LIPA: variants seen among roughly 807,000 people sequenced by gnomAD.
The protein encoded by LIPA is lipase A, lysosomal acid type.
Under a neutral mutation model 40.6 loss-of-function variants are expected in LIPA, and 26 were observed. That is an observed-to-expected ratio of 0.64 (90% CI 0.47 to 0.89). The LOEUF (loss-of-function observed/expected upper bound fraction) is 0.89. LIPA is among the 40% of genes least tolerant of loss of function. LIPA has a pLI of 0.00. For synonymous variants in LIPA, 188 were observed against 168.4 expected (o/e 1.12, Z -0.90); for missense variants, 455 against 479.6 (o/e 0.95, Z 0.48).
At chr10:89,328,188 A>G (rs958439965) in intron 1 of LIPA, 5 of 1,078,416 alleles carry the variant, frequency 4.6e-6, no homozygotes, top group Admixed American at 3.6e-5. Flanking sequence ...TATAGATTCA[A>G]TATGTCTTTA....
intron 8 of LIPA, among the ~76,000 whole-genome samples, chr10:89,221,689 A>G (rs913512831): frequency 3.3e-5 from 5 of 152,204 alleles, no homozygotes; most frequent in African/African-American, 1.2e-4. Context: ...GTCCTGAGGT[A>G]GAAAGAAGTC....
intron 1 of LIPA, among the ~76,000 whole-genome samples, chr10:89,317,463 A>G (rs1471600813): frequency 2.6e-5 from 4 of 152,238 alleles, no homozygotes; most frequent in Non-Finnish European, 5.9e-5. Context: ...AAGAAAGGGT[A>G]TTAGTGATTG....
chr10:89,362,655 T>C, intron 2 of LIPA: 4 of 536,650 alleles, frequency 7.5e-6, no homozygotes, highest in Non-Finnish European at 1.2e-5. Context: ...AGCCCAGACT[T>C]ACCTGGATAA....
At chr10:89,306,116 T>A (rs1451914323) in intron 1 of LIPA, 1 of 1,614,144 alleles carries the variant, frequency 6.2e-7, no homozygotes, top group Non-Finnish European at 8.5e-7. Flanking sequence ...AGCCACAATG[T>A]GCAACCTACT....
chr10:89,335,064 C>G (rs1185497946), intron 1 of LIPA, among the ~76,000 whole-genome samples: 5 of 152,142 alleles, frequency 3.3e-5, no homozygotes, highest in Admixed American at 1.3e-4. Flanking sequence ...CTCAGGCCTT[C>G]CAGTCCAATA....
At chr10:89,336,158 A>AAGGG (rs529603450) in intron 1 of LIPA, among the ~76,000 whole-genome samples, 5 of 136,074 alleles carry the variant, frequency 3.7e-5, no homozygotes, top group Admixed American at 1.5e-4. Flanking sequence ...GGGAGGGAGG[A>AAGGG]AGGGAGGGAG....
At chr10:89,414,530 T>G (rs1005557462) in exon 1 of LIPA, 2 of 435,872 alleles carry the variant, frequency 4.6e-6, no homozygotes, top group Non-Finnish European at 8.1e-6. Context: ...AAGTTTCGGT[T>G]TCTGAAGCTT....
chr10:89,254,591 G>A (rs529798938), upstream of LIPA, among the ~76,000 whole-genome samples: 1 of 152,318 alleles, frequency 6.6e-6, no homozygotes, highest in South Asian at 2.1e-4. Context: ...CCATTGTCTT[G>A]GTAATTAACA....
In LIPA at chr10:89,395,410, C is replaced by G. The variant is rs77419940; in HGVS notation, c.61+17381G>C. 9.4e-3 allele frequency among the ~76,000 whole-genome samples: 1,427 copies of G among 152,340 alleles called. 25 individuals carry two copies. Among genetic ancestry groups the G allele is most frequent in the African/African-American group, 0.033 (1,374 of 41,576 alleles). ...AATGGCTCCCCCTTTCCCATTGGCC[C>G]TGCAAGGCATATTACCCTCTTCTCT... is the stretch of plus-strand genomic sequence containing the variant. On this transcript the variant is annotated intron_variant, in intron 2 of 8. Coordinates refer to the LIPA transcript ENST00000371837.
intron 2 of LIPA, chr10:89,402,585 A>T (rs2133630405): frequency 1.2e-6 from 2 of 1,614,224 alleles, no homozygotes; most frequent in Middle Eastern, 3.3e-4. Context: ...CTTTGCCTGG[A>T]TGTATTACCA....
At chr10:89,218,992 A>G (rs1842662714) in intron 8 of LIPA, among the ~76,000 whole-genome samples, 1 of 152,212 alleles carries the variant, frequency 6.6e-6, no homozygotes, top group Admixed American at 6.5e-5. Context: ...AAACTGTAAG[A>G]TTATACCAAA....
At chr10:89,333,307 G>A (rs1378305776) in intron 1 of LIPA, among the ~76,000 whole-genome samples, 1 of 152,132 alleles carries the variant, frequency 6.6e-6, no homozygotes, top group East Asian at 1.9e-4. Context: ...TCTAGGTCCT[G>A]CATTCTGAAA....
At chr10:89,289,734 C>T (rs140686191) in intron 1 of LIPA, among the ~76,000 whole-genome samples, 9 of 152,226 alleles carry the variant, frequency 5.9e-5, no homozygotes, top group Non-Finnish European at 8.8e-5. Context: ...TCTGTTTGAA[C>T]GGATAGAAGA....
chr10:89,338,471 G>T (rs1843783833), intron 1 of LIPA, among the ~76,000 whole-genome samples: 1 of 152,172 alleles, frequency 6.6e-6, no homozygotes. Flanking sequence ...AGAGCAATCT[G>T]CTCTACTCAG....
At chr10:89,304,328 G>A (rs902777524) in intron 1 of LIPA, among the ~76,000 whole-genome samples, 7 of 152,066 alleles carry the variant, frequency 4.6e-5, no homozygotes, top group African/African-American at 7.2e-5. Context: ...ATGCATTCCC[G>A]TTGAAAAGCT....
chr10:89,379,845 T>C (rs1462088690), intron 2 of LIPA, among the ~76,000 whole-genome samples: 5 of 152,008 alleles, frequency 3.3e-5, no homozygotes, highest in Non-Finnish European at 7.4e-5. Context: ...CCATCCTGAC[T>C]AACAAGGTGA....
At chr10:89,384,511 A>G in intron 2 of LIPA, 1 of 1,613,900 alleles carries the variant, frequency 6.2e-7, no homozygotes, top group Non-Finnish European at 8.5e-7. Flanking sequence ...TAAAGCAATT[A>G]CCCATTATTT....
intron 3 of LIPA, among the ~76,000 whole-genome samples, chr10:89,243,729 A>G (rs535929093): frequency 3.5e-4 from 54 of 152,278 alleles, no homozygotes; most frequent in African/African-American, 1.3e-3. Context: ...ATTCCAGGGC[A>G]CTGCACCTTC....
intron 2 of LIPA, among the ~76,000 whole-genome samples, chr10:89,410,535 G>A (rs1049563418): frequency 2.6e-5 from 4 of 152,238 alleles, no homozygotes; most frequent in African/African-American, 9.6e-5. Context: ...ATTTAGCGAT[G>A]TAACCATACT....
Sources: allele counts gnomAD v4.1 joint callset (sites outside exome capture counted in the v4.1 genomes callset), GRCh38; gene constraint gnomAD v4.1.1; transcripts MANE v1.5; gene names NCBI Gene and HGNC (gene_info 2026-07-23, HGNC 2026-07-21).